The following KCNMA1 variants were observed in gnomAD, a reference collection of about 807,000 sequenced individuals.
KCNMA1 encodes the protein Calcium-activated potassium channel subunit alpha-1.
Under a neutral mutation model 140.0 loss-of-function variants are expected in KCNMA1, and 29 were observed. The observed-to-expected ratio is 0.21, with a 90% CI of 0.15 to 0.28. The LOEUF (loss-of-function observed/expected upper bound fraction) is 0.28, where lower values mean the gene tolerates loss of function less well. Ranked by LOEUF, KCNMA1 falls within the 10% of genes least tolerant of loss-of-function variation. The pLI, the probability that KCNMA1 is intolerant of heterozygous loss-of-function variation, is 1.00. For missense variants in KCNMA1, 880 were observed against 1,602.2 expected (o/e 0.55, Z 7.70); for synonymous variants, 612 against 611.9 (o/e 1.00, Z 0.00).
chr10:77,613,509 G>A (rs2087851799), intron 1 of KCNMA1, among the ~76,000 whole-genome samples: 1 of 152,224 alleles, frequency 6.6e-6, no homozygotes, highest in Non-Finnish European at 1.5e-5. Flanking sequence ...TGGCTGCCAA[G>A]GGAGCCCTCC....
chr10:77,062,003 C>G (rs912875118), intron 14 of KCNMA1, among the ~76,000 whole-genome samples: 11 of 152,068 alleles, frequency 7.2e-5, no homozygotes, highest in Admixed American at 5.9e-4. Flanking sequence ...CTAGGAGTGA[C>G]AGGAGGGTGT....
intron 1 of KCNMA1, among the ~76,000 whole-genome samples, chr10:77,513,825 C>T (rs551053359): frequency 1.3e-5 from 2 of 152,332 alleles, no homozygotes; most frequent in East Asian, 3.9e-4. Context: ...TGGAGCCAGG[C>T]AGTAGAACAC....
intron 2 of KCNMA1, among the ~76,000 whole-genome samples, chr10:77,264,004 C>T (rs2062726438): frequency 6.6e-6 from 1 of 152,184 alleles, no homozygotes; most frequent in Non-Finnish European, 1.5e-5. Context: ...TGAATTCTTA[C>T]AGACAAACTA....
rs545347660 is a variant in KCNMA1 at position 76,886,270 on chromosome 10, T to G, written c.*996A>C. 2.0e-6 allele frequency: 2 copies of G among 985,256 alleles called. No individual in the cohort carries two copies. The highest frequency in any genetic ancestry group is 2.4e-6 in the Non-Finnish European group (2 of 829,894). The allele number at this position is 985,256 out of a possible 1,614,324, so 61.0% of individuals were successfully genotyped here. On this transcript the variant is annotated 3_prime_UTR_variant, in exon 28 of 28. Transcript: ENST00000286628. ...GGGGAGTAAAAAGATCCCCTGAGAA[T>G]GCATGGAAAAATACTTGCTCTTTCC...
chr10:77,443,160 GCT>G (rs1283897214), intron 1 of KCNMA1, among the ~76,000 whole-genome samples: 2 of 152,184 alleles, frequency 1.3e-5, no homozygotes, highest in East Asian at 1.9e-4. Context: ...GGCCAGACTG[GCT>G]CCCAAAAGAG....
intron 3 of KCNMA1, among the ~76,000 whole-genome samples, chr10:77,226,507 A>G (rs547468921): frequency 1.8e-4 from 27 of 152,036 alleles, no homozygotes; most frequent in South Asian, 1.5e-3. Flanking sequence ...AGCATGAGAC[A>G]GCCACGAGAA....
At chr10:77,003,775 G>A (rs1200543467) in intron 18 of KCNMA1, among the ~76,000 whole-genome samples, 7 of 152,294 alleles carry the variant, frequency 4.6e-5, no homozygotes, top group African/African-American at 1.7e-4. Context: ...GAGAAAGAAA[G>A]TTCTTATAAA....
intron 2 of KCNMA1, among the ~76,000 whole-genome samples, chr10:77,295,423 A>G (rs551801335): frequency 2.0e-5 from 3 of 152,110 alleles, no homozygotes; most frequent in East Asian, 3.9e-4. Flanking sequence ...ACACGCATAT[A>G]TGTGTGCACA....
At chr10:77,517,166 C>T (rs767323510) in intron 1 of KCNMA1, among the ~76,000 whole-genome samples, 1 of 152,154 alleles carries the variant, frequency 6.6e-6, no homozygotes, top group African/African-American at 2.4e-5. Flanking sequence ...AGACCCTACC[C>T]TTGGCACTCC....
intron 1 of KCNMA1, among the ~76,000 whole-genome samples, chr10:77,487,504 G>T (rs2098475130): frequency 6.6e-6 from 1 of 152,068 alleles, no homozygotes; most frequent in Non-Finnish European, 1.5e-5. Context: ...CCCTCAAAGG[G>T]ATACCCCCAA....
rs1253143924 is a variant in KCNMA1 at position 76,889,472 on chromosome 10, G to A, written c.3440C>T (p.Thr1147Ile). ...TCACCTCTTTGTGCACTGACTGGGG[G>A]TGCTGAGGTGAGCATCTCTCAGCCG... ...IYRLRDAHLS[T>I]PSQCTKRYVI... Residue 1147 changes from threonine to isoleucine, a missense_variant, in exon 27 of 28, where the codon ACC (threonine) becomes ATC (isoleucine). Thr to Ile is a moderately conservative substitution (Grantham distance 89, BLOSUM62 -1). Around this residue, in one of 13 missense-constraint regions of KCNMA1, gnomAD observed 115 missense variants for 139.9 expected, o/e 0.82. Coordinates refer to ENST00000286628, the MANE Select transcript of KCNMA1 (RefSeq NM_001161352.2). The A allele has an allele frequency of 3.7e-6, 6 of 1,611,774 alleles. No individual in the cohort carries two copies. Among genetic ancestry groups the A allele is most frequent in the East Asian group, 2.2e-5 (1 of 44,852 alleles).
chr10:77,144,244 G>T (rs2098243709), intron 5 of KCNMA1, among the ~76,000 whole-genome samples: 1 of 152,046 alleles, frequency 6.6e-6, no homozygotes, highest in Non-Finnish European at 1.5e-5. Context: ...CAATAAAATG[G>T]AAGAAATTAT....
chr10:77,330,574 T>G (rs2154364913), intron 2 of KCNMA1, among the ~76,000 whole-genome samples: 1 of 152,330 alleles, frequency 6.6e-6, no homozygotes, highest in Admixed American at 6.5e-5. Flanking sequence ...GCTATGCACC[T>G]TGGTTCCTTC....
intron 1 of KCNMA1, among the ~76,000 whole-genome samples, chr10:77,631,068 C>G (rs2093130229): frequency 7.7e-6 from 1 of 130,334 alleles, no homozygotes; most frequent in South Asian, 2.4e-4. Flanking sequence ...GATCATGCCA[C>G]TGTACTCCAG....
At position 77,059,597 on chromosome 10, in the gene KCNMA1, A is replaced by AC. The variant is rs2095663548; in HGVS notation, c.1749+13499dup. Among the ~76,000 whole-genome samples, 4 of 152,254 alleles carry AC rather than the reference A, an allele frequency of 2.6e-5. No individual in the cohort carries two copies. The South Asian group carries it at 8.3e-4, about 32-fold the overall frequency. On this transcript the variant is annotated intron_variant, in intron 14 of 27. Transcript: ENST00000286628. ...CATATTAACAGTCTAAAGAAGAAAA[A>AC]CTACATGATCCTATACATTGATGCA...
intron 3 of KCNMA1, among the ~76,000 whole-genome samples, chr10:77,202,748 T>C (rs1326905732): frequency 6.6e-6 from 1 of 152,100 alleles, no homozygotes; most frequent in Non-Finnish European, 1.5e-5. Flanking sequence ...ACCCTCAAAC[T>C]CACCCAAGGA....
At chr10:77,592,853 G>A (rs1181213441) in intron 1 of KCNMA1, among the ~76,000 whole-genome samples, 1 of 152,146 alleles carries the variant, frequency 6.6e-6, no homozygotes, top group Non-Finnish European at 1.5e-5. Flanking sequence ...CACTGAGTGT[G>A]CCCCGGCAGC....
intron 1 of KCNMA1, among the ~76,000 whole-genome samples, chr10:77,464,151 G>A (rs1439777994): frequency 6.6e-6 from 1 of 152,152 alleles, no homozygotes; most frequent in East Asian, 1.9e-4. Flanking sequence ...ATTGCTGTGT[G>A]GTTTTGCAGG....
intron 3 of KCNMA1, among the ~76,000 whole-genome samples, chr10:77,229,860 G>T (rs1374159994): frequency 1.3e-5 from 2 of 152,116 alleles, no homozygotes; most frequent in Non-Finnish European, 2.9e-5. Flanking sequence ...ATGTAAAATG[G>T]TACAGCCATT....
Sources: allele counts gnomAD v4.1 joint callset (sites outside exome capture counted in the v4.1 genomes callset), GRCh38; gene constraint gnomAD v4.1.1; regional missense constraint gnomAD v4.1.1; transcripts MANE v1.5; gene names NCBI Gene and HGNC (gene_info 2026-07-23, HGNC 2026-07-21).